Variants in C5orf34 observed in about 807,000 individuals in gnomAD.
C5orf34 encodes chromosome 5 open reading frame 34, also known as uncharacterized protein C5orf34.
Under a neutral mutation model 78.4 loss-of-function variants are expected in C5orf34, and 73 were observed. The ratio of observed to expected loss-of-function variants is 0.93; its 90% CI spans 0.77 to 1.13. The LOEUF is 1.13. C5orf34 is among the 50% of genes most tolerant of loss of function. The pLI is 0.00. For synonymous variants in C5orf34, 251 were observed against 246.6 expected, an observed-to-expected ratio of 1.02 and a Z score of -0.17; for missense variants, 730 against 732.7, an observed-to-expected ratio of 1.00 and a Z score of 0.04.
intron 4 of C5orf34, 132 bp downstream of exon 4, chr5:43,505,616 A>C (rs1255044358): frequency 8.8e-6 from 7 of 791,440 alleles, no homozygotes; most frequent in Non-Finnish European, 9.8e-6. Context: ...GAAATTATTT[A>C]CTATCAGTTA....
At chr5:43,494,025 A>G (rs936915065) in intron 7 of C5orf34, among the ~76,000 whole-genome samples, 8 of 152,192 alleles carry the variant, frequency 5.3e-5, no homozygotes, top group African/African-American at 9.6e-5. Flanking sequence ...ACATAAATTT[A>G]TAAAAAGAAA....
chr5:43,488,026 G>A, intron 11 of C5orf34, 77 bp from the exon 12 acceptor site: 1 of 1,148,328 alleles, frequency 8.7e-7, no homozygotes, highest in Non-Finnish European at 1.2e-6. Flanking sequence ...AAGCATACCT[G>A]ACTTTTTTTT....
chr5:43,501,245 T>G (rs983303812), intron 6 of C5orf34, among the ~76,000 whole-genome samples: 1 of 152,228 alleles, frequency 6.6e-6, no homozygotes, highest in African/African-American at 2.4e-5. Flanking sequence ...GCTTGCTCAC[T>G]TGATTGTCTG....
intron 10 of C5orf34, 65 bp from the exon 11 acceptor site, chr5:43,490,794 C>G (rs1231950855): frequency 2.6e-6 from 2 of 772,032 alleles, no homozygotes; most frequent in Middle Eastern, 2.4e-4. Flanking sequence ...AAATTATAAA[C>G]AAATGTAAAA....
chr5:43,511,996 C>G (rs1281396418), intron 1 of C5orf34, among the ~76,000 whole-genome samples: 1 of 150,700 alleles, frequency 6.6e-6, no homozygotes, highest in African/African-American at 2.4e-5. Context: ...CCAAATCCCC[C>G]TCTGTGAGAA....
chr5:43,506,172 T>A lies in C5orf34; in HGVS notation c.508A>T (p.Lys170Ter), dbSNP rs778280202. 1.2e-6 allele frequency: 2 copies of A among 1,614,242 alleles called. No individual in the cohort carries two copies. Among genetic ancestry groups the A allele is most frequent in the Non-Finnish European group, 1.7e-6 (2 of 1,180,042 alleles). The change falls in exon 4 of 13, where the codon AAA becomes TAA. Residue 170 changes from lysine (K) to a stop codon, truncating the protein, a stop_gained. Coordinates refer to ENST00000306862, the MANE Select transcript of C5orf34 (RefSeq NM_198566.4). LOFTEE classifies it high-confidence loss of function. ...VLSETNNKAP[K>*]DKLVEKTGKI... ...CCAGTTTTTTCAACTAGTTTATCTT[T>A]TGGGGCTTTATTATTTGTTTCTGAC...
chr5:43,496,582 ATTTTTTTTT>A (rs70994702), intron 6 of C5orf34: 192,626 of 428,886 alleles, frequency 0.45, 22,686 homozygotes, highest in East Asian at 0.6. Flanking sequence ...GTTTTTTTTA[ATTTTTTTTT>A]TTTTTTTTTT....
intron 6 of C5orf34, among the ~76,000 whole-genome samples, chr5:43,499,960 C>T (rs915918411): frequency 2.0e-5 from 3 of 152,178 alleles, no homozygotes; most frequent in Non-Finnish European, 2.9e-5. Flanking sequence ...TCTTTGAACA[C>T]GTGCAAATAT....
intron 6 of C5orf34, among the ~76,000 whole-genome samples, chr5:43,500,323 T>C (rs1312463262): frequency 2.0e-5 from 3 of 152,202 alleles, no homozygotes; most frequent in Admixed American, 2.0e-4. Context: ...TTTGGTCTAT[T>C]ACTGATTTAT....
At chr5:43,489,498 A>G (rs1234813841) in intron 11 of C5orf34, among the ~76,000 whole-genome samples, 2 of 152,114 alleles carry the variant, frequency 1.3e-5, no homozygotes, top group African/African-American at 4.8e-5. Flanking sequence ...TCAGCTTTCA[A>G]ATAAAAAGGC....
rs997023796 is a variant in C5orf34 at position 43,514,989 on chromosome 5, T to C, written c.-220A>G. ...TGGTGAAAGAAAAAAATCACAACCC[T>C]AGAGGAATAAGGTGGCAGGGAGAGT... On this transcript the variant is annotated 5_prime_UTR_variant, in exon 1 of 13. Coordinates refer to ENST00000306862, the MANE Select transcript of C5orf34 (RefSeq NM_198566.4). The C allele has an allele frequency of 8.6e-5, 13 of 152,046 alleles. No individual in the cohort carries two copies. Among genetic ancestry groups the C allele is most frequent in the African/African-American group, 2.9e-4 (12 of 41,370 alleles). 9.4% of individuals were successfully genotyped at this position (152,046 alleles called of 1,614,324 possible).
intron 4 of C5orf34, 144 bp downstream of exon 4, chr5:43,505,604 G>A (rs1579875202): frequency 2.8e-6 from 2 of 710,542 alleles, no homozygotes; most frequent in East Asian, 5.5e-5. Flanking sequence ...ACATTTGCTA[G>A]GGAAATTATT....
At chr5:43,491,851 A>G (rs1397192037) in intron 10 of C5orf34, among the ~76,000 whole-genome samples, 1 of 151,746 alleles carries the variant, frequency 6.6e-6, no homozygotes, top group African/African-American at 2.4e-5. Context: ...TAAAAATACA[A>G]AAATTAGCCG....
chr5:43,496,551 A>C, intron 6 of C5orf34: 1 of 921,638 alleles, frequency 1.1e-6, no homozygotes, highest in Non-Finnish European at 1.5e-6. Context: ...AAAATATAGA[A>C]TTACTCCTAT....
intron 1 of C5orf34, among the ~76,000 whole-genome samples, chr5:43,511,969 A>G (rs1264535992): frequency 6.8e-6 from 1 of 148,092 alleles, no homozygotes; most frequent in Non-Finnish European, 1.5e-5. Context: ...TCCCTCCACT[A>G]TTGTCCTATG....
chr5:43,510,976 C>T, intron 1 of C5orf34: 1 of 210,128 alleles, frequency 4.8e-6, no homozygotes, highest in Non-Finnish European at 9.6e-6. Flanking sequence ...TCCCGGCCGC[C>T]ATCCCATCTA....
intron 5 of C5orf34, 30 bp downstream of exon 5, chr5:43,503,635 C>A (rs1272550377): frequency 7.0e-7 from 1 of 1,423,500 alleles, no homozygotes. Flanking sequence ...AGCTCTAACT[C>A]CAACATAGAA....
intron 6 of C5orf34, chr5:43,495,837 T>C: frequency 6.3e-7 from 1 of 1,587,630 alleles, no homozygotes; most frequent in Non-Finnish European, 8.6e-7. Context: ...AGCCAAGGCA[T>C]GTTAGCACTC....
At chr5:43,495,435 C>T in intron 6 of C5orf34, 46 of 1,611,366 alleles carry the variant, frequency 2.9e-5, no homozygotes, top group Non-Finnish European at 3.8e-5. Flanking sequence ...ATTACCTGAG[C>T]AATGAAGTCA....
Sources: allele counts gnomAD v4.1 joint callset (sites outside exome capture counted in the v4.1 genomes callset), GRCh38; gene constraint gnomAD v4.1.1; transcripts MANE v1.5; gene names NCBI Gene and HGNC (gene_info 2026-07-23, HGNC 2026-07-21).